Variants in PHC3 observed in about 807,000 individuals in gnomAD.
The protein encoded by PHC3 is polyhomeotic-like protein 3.
PHC3 carries 13 observed loss-of-function variants against 107.4 expected under a neutral mutation model. The ratio of observed to expected loss-of-function variants is 0.12; its 90% CI spans 0.08 to 0.19. The LOEUF is 0.19. Among genes scored for constraint, PHC3 ranks in the 10% least tolerant of loss-of-function variants. The pLI, the probability that PHC3 is intolerant of heterozygous loss-of-function variation, is 1.00. For synonymous variants in PHC3, 456 were observed against 427.4 expected (o/e 1.07, Z -0.83); for missense variants, 992 against 1,210.9 (o/e 0.82, Z 2.68).
chr3:170,167,229 G>A (rs960274191), intron 4 of PHC3, among the ~76,000 whole-genome samples: 3 of 152,054 alleles, frequency 2.0e-5, no homozygotes, highest in South Asian at 4.1e-4. Context: ...GCTCACGGCA[G>A]CCTTGACCTC....
At chr3:170,151,821 TC>T (rs1726034726) in intron 4 of PHC3, among the ~76,000 whole-genome samples, 1 of 152,016 alleles carries the variant, frequency 6.6e-6, no homozygotes, top group South Asian at 2.1e-4. Flanking sequence ...ACATCCACAC[TC>T]CCTGTACGGT....
At chr3:170,121,317 A>G (rs149104409) in intron 9 of PHC3, among the ~76,000 whole-genome samples, 1 of 152,254 alleles carries the variant, frequency 6.6e-6, no homozygotes, top group East Asian at 1.9e-4. Flanking sequence ...CTTAAAAAAA[A>G]GAAAGAAAAC....
intron 4 of PHC3, among the ~76,000 whole-genome samples, chr3:170,149,472 A>T (rs59610400): frequency 4.6e-5 from 7 of 151,392 alleles, no homozygotes; most frequent in African/African-American, 1.7e-4. Context: ...TTTTTTTTTA[A>T]GATGGGAGTT....
chr3:170,162,873 T>C (rs55956285), intron 4 of PHC3, among the ~76,000 whole-genome samples: 37,375 of 152,130 alleles, frequency 0.25, 5,390 homozygotes, highest in East Asian at 0.49. Flanking sequence ...CTCCTTTCTG[T>C]TCCCTGTGCA....
chr3:170,111,907 T>A (rs1007911276), intron 11 of PHC3, among the ~76,000 whole-genome samples: 1 of 151,854 alleles, frequency 6.6e-6, no homozygotes, highest in African/African-American at 2.4e-5. Context: ...GTAAAGTGAA[T>A]AAATTAATTT....
intron 12 of PHC3, among the ~76,000 whole-genome samples, chr3:170,104,215 T>A (rs2108280524): frequency 6.6e-6 from 1 of 152,324 alleles, no homozygotes; most frequent in East Asian, 1.9e-4. Context: ...TTTGATTTTT[T>A]TCCCAACAAA....
rs562321925 is a variant in PHC3 at position 170,168,112 on chromosome 3, T to A, written c.414+3261A>T. Among the ~76,000 whole-genome samples, 5 of 150,774 alleles carry A rather than the reference T, an allele frequency of 3.3e-5. No individual in the cohort carries two copies. The East Asian group carries it at 1.0e-3, about 30-fold the overall frequency. ...GGGAGATTGAGGCGGTAGTGAGTTA[T>A]GATCGTGCCACTGCACTCCAGCCTC... On this transcript the variant is annotated intron_variant, in intron 4 of 14. Coordinates refer to ENST00000495893, the MANE Select transcript of PHC3 (RefSeq NM_024947.4).
chr3:170,166,571 C>G (rs564165757), intron 4 of PHC3, among the ~76,000 whole-genome samples: 18 of 152,010 alleles, frequency 1.2e-4, no homozygotes, highest in Non-Finnish European at 2.5e-4. Context: ...TATAATTTTT[C>G]ACTATTATAC....
At chr3:170,142,344 A>G (rs1161083051) in intron 6 of PHC3, among the ~76,000 whole-genome samples, 1 of 152,214 alleles carries the variant, frequency 6.6e-6, no homozygotes, top group Non-Finnish European at 1.5e-5. Context: ...TTCCGGCTCC[A>G]AAGTCCGTAT....
intron 1 of PHC3, among the ~76,000 whole-genome samples, chr3:170,179,161 T>G (rs572776349): frequency 6.6e-6 from 1 of 152,334 alleles, no homozygotes; most frequent in East Asian, 1.9e-4. Context: ...ATTCAAATGA[T>G]TCAGAATACG....
intron 12 of PHC3, among the ~76,000 whole-genome samples, chr3:170,103,500 TAGA>T (rs1474258418): frequency 6.6e-6 from 1 of 152,002 alleles, no homozygotes; most frequent in Non-Finnish European, 1.5e-5. Context: ...TCAGAAAATT[TAGA>T]AGTATATAAC....
rs778969283 is a variant in PHC3, at chr3:170,178,846, A to ATGG, written c.104_106dup (p.Thr35dup). 1.9e-5 allele frequency: 30 copies of ATGG among 1,613,806 alleles called. No homozygotes were observed. Among genetic ancestry groups the ATGG allele is most frequent in the Non-Finnish European group, 2.5e-5 (29 of 1,179,754 alleles). ...CTGCATTCGAGAGGAGGAAGTGGTG[A>ATGG]TGGTGGTGGTGGTGGTACTGCTGGT... On this transcript the variant is annotated inframe_insertion, in exon 2 of 15. Transcript: ENST00000495893.
chr3:170,140,284 CAG>C (rs1463464829), intron 6 of PHC3, among the ~76,000 whole-genome samples: 7 of 151,322 alleles, frequency 4.6e-5, no homozygotes, highest in African/African-American at 1.7e-4. Context: ...TTTTTTGAGA[CAG>C]AGTCTCACTC....
chr3:170,114,409 G>C (rs1718501526), intron 10 of PHC3, among the ~76,000 whole-genome samples: 1 of 152,144 alleles, frequency 6.6e-6, no homozygotes, highest in Non-Finnish European at 1.5e-5. Flanking sequence ...CATGCACAAA[G>C]CTTTTTATTT....
At position 170,094,944 on chromosome 3, in the gene PHC3, G is replaced by A. The variant is rs1360107681; in HGVS notation, c.*2286C>T. 6.6e-6 allele frequency: 1 copy of A among 152,124 alleles called. No homozygotes were observed. Among genetic ancestry groups the A allele is most frequent in the Non-Finnish European group, 1.5e-5 (1 of 68,008 alleles). 9.4% of individuals were successfully genotyped at this position (152,124 alleles called of 1,614,324 possible). On this transcript the variant is annotated 3_prime_UTR_variant, in exon 15 of 15. Transcript: ENST00000495893. The stretch of plus-strand genomic sequence containing the variant: ...CACAGTTCAAAATTGATACCTTAAA[G>A]GCCATAGGTAATACAGTTATAGGAT...
In PHC3 at chr3:170,157,754, T is replaced by C. The variant is rs138379418; in HGVS notation, c.415-8510A>G. ...GACTCTGATATGTGGCTGATGTGAT[T>C]TGGACATTTTTGAGAAAACTGAACA... On this transcript the variant is annotated intron_variant, in intron 4 of 14. Transcript: ENST00000495893. Among the ~76,000 whole-genome samples, 264 of 152,228 alleles carry C rather than the reference T, an allele frequency of 1.7e-3. 3 individuals are homozygous for C. The highest frequency in any genetic ancestry group is 6.1e-3 in the African/African-American group (255 of 41,550).
intron 2 of PHC3, 31 bp from the exon 3 acceptor site, chr3:170,172,743 C>A: frequency 1.3e-6 from 2 of 1,563,286 alleles, no homozygotes; most frequent in South Asian, 1.2e-5. Flanking sequence ...CAATGTCAAA[C>A]CATAATCTCA....
At chr3:170,106,788 G>T in intron 12 of PHC3, 44 bp downstream of exon 12, 2 of 1,416,398 alleles carry the variant, frequency 1.4e-6, no homozygotes, top group Non-Finnish European at 1.9e-6. Context: ...TAGTTGCAAT[G>T]GCTATTTATC....
At chr3:170,117,067 A>T in intron 10 of PHC3, 159 bp downstream of exon 10, 1 of 946,080 alleles carries the variant, frequency 1.1e-6, no homozygotes. Flanking sequence ...CTACATAAAC[A>T]TTTGGAAATA....
Sources: allele counts gnomAD v4.1 joint callset (sites outside exome capture counted in the v4.1 genomes callset), GRCh38; gene constraint gnomAD v4.1.1; transcripts MANE v1.5; gene names NCBI Gene and HGNC (gene_info 2026-07-23, HGNC 2026-07-21).